RBM33: variants seen among roughly 807,000 people sequenced by gnomAD.
RBM33 encodes the protein RNA-binding protein 33.
A neutral mutation model predicts 132.6 loss-of-function variants in RBM33; 28 were observed. The ratio of observed to expected loss-of-function variants is 0.21; its 90% CI spans 0.16 to 0.29. The LOEUF (loss-of-function observed/expected upper bound fraction) is 0.29. Among genes scored for constraint, RBM33 ranks in the 10% least tolerant of loss-of-function variants. The pLI is 1.00. For missense variants in RBM33, 1,291 were observed against 1,518.5 expected (o/e 0.85, Z 2.49); for synonymous variants, 634 against 593.0 (o/e 1.07, Z -1.01).
intron 3 of RBM33, among the ~76,000 whole-genome samples, chr7:155,675,671 A>T (rs1165865822): frequency 1.3e-5 from 2 of 152,152 alleles, no homozygotes; most frequent in Non-Finnish European, 2.9e-5. Context: ...TTTGATGTAA[A>T]TCTCAAGCAT....
chr7:155,720,096 C>T (rs1384156495), intron 9 of RBM33, among the ~76,000 whole-genome samples: 2 of 152,134 alleles, frequency 1.3e-5, no homozygotes, highest in Admixed American at 6.5e-5. Context: ...AAATATGTTT[C>T]AAGGCAGTTT....
intron 1 of RBM33, among the ~76,000 whole-genome samples, chr7:155,659,101 A>G (rs747784664): frequency 2.6e-5 from 4 of 152,222 alleles, no homozygotes; most frequent in Admixed American, 6.5e-5. Flanking sequence ...TCATTGTGTA[A>G]CAGCAGCAAC....
chr7:155,678,718 A>G, intron 4 of RBM33, 34 bp downstream of exon 4: 1 of 1,013,838 alleles, frequency 9.9e-7, no homozygotes. Flanking sequence ...AATGTTCTTT[A>G]TTTAACTAAA....
chr7:155,742,229 CT>C (rs35396377), intron 13 of RBM33, 123 bp downstream of exon 13: 132,437 of 668,676 alleles, frequency 0.2, 19 homozygotes, highest in South Asian at 0.25. Context: ...TCACCTGGGT[CT>C]TTTTTTTTTT....
intron 14 of RBM33, among the ~76,000 whole-genome samples, chr7:155,757,386 A>G (rs549315937): frequency 1.3e-5 from 2 of 152,344 alleles, no homozygotes; most frequent in African/African-American, 4.8e-5. Context: ...TTTTTTTCTT[A>G]CAAAATGAAA....
intron 2 of RBM33, 116 bp downstream of exon 2, chr7:155,665,369 G>C (rs1563133676): frequency 1.2e-6 from 1 of 838,088 alleles, no homozygotes; most frequent in Non-Finnish European, 2.0e-6. Flanking sequence ...GCTCTCTCTT[G>C]AGTGGGGCTG....
At chr7:155,755,145 G>GA (rs1362999883) in intron 14 of RBM33, among the ~76,000 whole-genome samples, 2 of 152,214 alleles carry the variant, frequency 1.3e-5, no homozygotes, top group Non-Finnish European at 2.9e-5. Context: ...AGATTACAGG[G>GA]ATAGGCCCAG....
At chr7:155,688,709 G>A (rs564716080) in intron 5 of RBM33, among the ~76,000 whole-genome samples, 32 of 152,238 alleles carry the variant, frequency 2.1e-4, no homozygotes, top group African/African-American at 7.5e-4. Context: ...TTTGTTGAAG[G>A]CTTTTTCTGC....
At chr7:155,666,881 A>C (rs968652183) in intron 2 of RBM33, among the ~76,000 whole-genome samples, 1 of 152,182 alleles carries the variant, frequency 6.6e-6, no homozygotes, top group Non-Finnish European at 1.5e-5. Context: ...CAGATGTATA[A>C]TCTTTTTTCT....
chr7:155,715,502 A>G (rs1449165059), intron 8 of RBM33, among the ~76,000 whole-genome samples: 1 of 152,226 alleles, frequency 6.6e-6, no homozygotes, highest in Non-Finnish European at 1.5e-5. Context: ...TGGCAAGTGT[A>G]GAATGCAGGC....
At chr7:155,675,314 A>T (rs1194753217) in intron 3 of RBM33, among the ~76,000 whole-genome samples, 1 of 151,272 alleles carries the variant, frequency 6.6e-6, no homozygotes, top group Non-Finnish European at 1.5e-5. Context: ...AAAAAAAAAA[A>T]AGAATTATAG....
At chr7:155,747,136 TATCTGA>T (rs1457862861) in intron 14 of RBM33, among the ~76,000 whole-genome samples, 1 of 152,260 alleles carries the variant, frequency 6.6e-6, no homozygotes, top group Non-Finnish European at 1.5e-5. Flanking sequence ...GGATAGTCTT[TATCTGA>T]ATCTGTTTTC....
At chr7:155,693,069 G>T (rs1342320607) in intron 5 of RBM33, among the ~76,000 whole-genome samples, 1 of 152,038 alleles carries the variant, frequency 6.6e-6, no homozygotes, top group Non-Finnish European at 1.5e-5. Context: ...AAATATGTGT[G>T]TGTAATTCTC....
intron 6 of RBM33, chr7:155,701,640 A>G (rs969201225): frequency 6.6e-6 from 1 of 152,274 alleles, no homozygotes. Context: ...ACCTGCTCCC[A>G]GCTTCTCTGA....
intron 13 of RBM33, 119 bp downstream of exon 13, chr7:155,742,225 G>A: frequency 1.1e-6 from 1 of 938,586 alleles, no homozygotes; most frequent in Non-Finnish European, 1.5e-6. Context: ...TTTTTCACCT[G>A]GGTCTTTTTT....
Position 155,711,304 on chromosome 7 carries a change from G to A in RBM33, c.1050G>A (p.Pro350=), listed in dbSNP as rs781580971. ...PLQPLLPVQH[P]HHPSPPQGMH... ...AGCCGCTGCTTCCGGTGCAGCACCC[G>A]CACCACCCATCCCCGCCTCAGGGAA... Residue 350 remains proline, a synonymous_variant, in exon 8 of 18, where the codon CCG becomes CCA. Transcript: ENST00000401878. 8.7e-6 allele frequency: 14 copies of A among 1,606,468 alleles called. No homozygotes were observed. Among genetic ancestry groups the A allele is most frequent in the East Asian group, 2.3e-5 (1 of 43,978 alleles).
intron 14 of RBM33, among the ~76,000 whole-genome samples, chr7:155,747,876 G>A (rs1351067635): frequency 6.6e-6 from 1 of 152,216 alleles, no homozygotes; most frequent in Non-Finnish European, 1.5e-5. Flanking sequence ...TTTTTTGTGG[G>A]TGAGGACTAT....
At chr7:155,673,374 A>G (rs550795502) in intron 3 of RBM33, among the ~76,000 whole-genome samples, 1 of 151,398 alleles carries the variant, frequency 6.6e-6, no homozygotes, top group East Asian at 1.9e-4. Flanking sequence ...TTGATGAAAT[A>G]AAAAATTTGT....
intron 1 of RBM33, among the ~76,000 whole-genome samples, chr7:155,653,582 G>GA: frequency 6.6e-6 from 1 of 151,642 alleles, no homozygotes; most frequent in Non-Finnish European, 1.5e-5. Flanking sequence ...TCCCTCGAGG[G>GA]GAGGGGCTGG....
Sources: gnomAD v4.1 joint callset for allele counts (sites outside exome capture counted in the v4.1 genomes callset) on GRCh38, gnomAD v4.1.1 for gene constraint, MANE v1.5 for transcripts, NCBI Gene and HGNC (gene_info 2026-07-23, HGNC 2026-07-21) for gene names.